HTR2C: variants seen among roughly 807,000 people sequenced by gnomAD.
HTR2C encodes the protein 5-hydroxytryptamine receptor 2C.
In HTR2C, 5 loss-of-function variants were observed where a neutral mutation model predicts 21.0. The observed-to-expected ratio is 0.24, with a 90% CI of 0.12 to 0.50. HTR2C has a LOEUF of 0.50. Ranked by LOEUF, HTR2C falls within the 20% of genes least tolerant of loss-of-function variation. The probability of loss-of-function intolerance (pLI) is 0.98; values close to 1 mark genes in which losing one functional copy is unlikely to be tolerated. For missense variants in HTR2C, 271 were observed against 371.2 expected (o/e 0.73, Z 2.22); for synonymous variants, 150 against 145.3 (o/e 1.03, Z -0.23).
rs781921471 is a variant in HTR2C at position 114,834,572 on chromosome X, A to G, written c.350-13431A>G. Among the ~76,000 whole-genome samples the G allele has an allele frequency of 1.3e-3, 135 of 107,894 alleles. 1 individual carries two copies. The highest frequency in any genetic ancestry group is 1.1e-3 in the Non-Finnish European group (56 of 52,060). 93.7% of individuals were successfully genotyped at this position (107,894 alleles called of 115,157 possible). A position where few individuals can be genotyped will look rare whatever the true frequency, so the allele number is the denominator to read the frequency against. ...CCATTTGCTTGGTAGATCTTCCTCC[A>G]TCCTTTTATTTTGAGCCTATGTGTG... On this transcript the variant is annotated intron_variant, in intron 4 of 5. Transcript: ENST00000276198.
chrX:114,675,965 G>A (rs1290398737), intron 2 of HTR2C, among the ~76,000 whole-genome samples: 1 of 107,715 alleles, frequency 9.3e-6, no homozygotes, highest in Non-Finnish European at 1.9e-5. Flanking sequence ...CGCCTCCTGG[G>A]TTCAAGTGAT....
intron 1 of HTR2C, among the ~76,000 whole-genome samples, chrX:114,596,747 C>T (rs1927864443): frequency 9.0e-6 from 1 of 111,704 alleles, no homozygotes; most frequent in East Asian, 2.8e-4. Flanking sequence ...ATCTAGATAC[C>T]TTATCACTAT....
At chrX:114,766,628 G>A (rs1252404324) in intron 4 of HTR2C, among the ~76,000 whole-genome samples, 1 of 111,430 alleles carries the variant, frequency 9.0e-6, no homozygotes, top group Non-Finnish European at 1.9e-5. Context: ...TTACAACTAT[G>A]GATCTTAATT....
chrX:114,586,850 G>A (rs192213426), intron 1 of HTR2C, among the ~76,000 whole-genome samples: 27 of 110,532 alleles, frequency 2.4e-4, no homozygotes, highest in Non-Finnish European at 4.2e-4. Flanking sequence ...TATGAATGAC[G>A]GAGATATTAT....
chrX:114,680,127 T>C, intron 2 of HTR2C, among the ~76,000 whole-genome samples: 1 of 112,292 alleles, frequency 8.9e-6, no homozygotes. Context: ...GAATAGACAA[T>C]AGTTAATTAC....
Position 114,703,340 on chromosome X carries a change from C to T in HTR2C, c.-79-23518C>T, listed in dbSNP as rs781958583. On this transcript the variant is annotated intron_variant, in intron 2 of 5. Coordinates refer to ENST00000276198, the MANE Select transcript of HTR2C (RefSeq NM_000868.4). The stretch of plus-strand genomic sequence containing the variant: ...GCTCTCCTCAGCAAATGTAAAAGAA[C>T]AGAAATTATAACAAACTGTCTCTCA... Among the ~76,000 whole-genome samples, 205 of 110,042 alleles carry T rather than the reference C, an allele frequency of 1.9e-3. 2 individuals are homozygous for T. The highest frequency in any genetic ancestry group is 4.6e-3 in the Admixed American group (47 of 10,275).
intron 2 of HTR2C, among the ~76,000 whole-genome samples, chrX:114,687,969 A>C (rs782774654): frequency 2.7e-5 from 3 of 111,748 alleles, no homozygotes; most frequent in Non-Finnish European, 5.6e-5. Flanking sequence ...GTCTCAGAGG[A>C]ATTTCCATTT....
intron 2 of HTR2C, among the ~76,000 whole-genome samples, chrX:114,642,312 A>G (rs1353709977): frequency 1.8e-5 from 2 of 112,121 alleles, no homozygotes; most frequent in Non-Finnish European, 3.8e-5. Flanking sequence ...TTTTATCAGG[A>G]TGTGGTCTTC....
chrX:114,847,552 C>A (rs1405295281), intron 4 of HTR2C, among the ~76,000 whole-genome samples: 9 of 102,580 alleles, frequency 8.8e-5, no homozygotes, highest in African/African-American at 3.2e-4. Flanking sequence ...CTAACCTGCA[C>A]ATTGTGCACA....
At chrX:114,770,586 T>C (rs61607615) in intron 4 of HTR2C, among the ~76,000 whole-genome samples, 3,512 of 111,180 alleles carry the variant, frequency 0.032, 154 homozygotes, top group African/African-American at 0.11. Context: ...ATATCTTTAC[T>C]GATTTTCTCT....
chrX:114,744,603 C>T (rs1206433980), intron 4 of HTR2C, among the ~76,000 whole-genome samples: 1 of 108,922 alleles, frequency 9.2e-6, no homozygotes, highest in Non-Finnish European at 1.9e-5. Flanking sequence ...CAGGCGCCGG[C>T]CCTAATGCCC....
intron 2 of HTR2C, among the ~76,000 whole-genome samples, chrX:114,620,335 T>A (rs918590622): frequency 1.8e-5 from 2 of 112,252 alleles, no homozygotes; most frequent in Non-Finnish European, 3.8e-5. Context: ...AGGTTCACAT[T>A]CACATTTTAA....
intron 2 of HTR2C, among the ~76,000 whole-genome samples, chrX:114,715,059 G>A (rs150861983): frequency 2.1e-4 from 24 of 112,002 alleles, no homozygotes; most frequent in African/African-American, 7.8e-4. Context: ...TACATTTTAT[G>A]AGTTGTATAC....
Position 114,847,960 on chromosome X carries a change from A to G in HTR2C, c.350-43A>G, listed in dbSNP as rs201796353. 4.8e-4 allele frequency: 505 copies of G among 1,048,170 alleles called. 2 individuals are homozygous for G. The highest frequency in any genetic ancestry group is 3.5e-3 in the Middle Eastern group (14 of 3,946). 86.4% of individuals were successfully genotyped at this position (1,048,170 alleles called of 1,213,427 possible). ...TAAAATTTGAGACTATAGTCAGTAC[A>G]ATTTGGATGACGTGTTCTTGTCTTC... On this transcript the variant is annotated intron_variant, in intron 4 of 5. Transcript: ENST00000276198.
At chrX:114,857,309 C>A (rs189113286) in intron 5 of HTR2C, among the ~76,000 whole-genome samples, 7 of 111,370 alleles carry the variant, frequency 6.3e-5, no homozygotes, top group African/African-American at 2.3e-4. Flanking sequence ...CTATTAATTT[C>A]TATCTGGATT....
At chrX:114,847,865 T>C (rs2070886311) in intron 4 of HTR2C, 138 bp from the exon 5 acceptor site, 1 of 459,698 alleles carries the variant, frequency 2.2e-6, no homozygotes, top group South Asian at 3.7e-5. Context: ...TCATCATCCC[T>C]ATAGAAAATA....
At chrX:114,876,718 G>C (rs1474651424) in intron 5 of HTR2C, among the ~76,000 whole-genome samples, 1 of 110,300 alleles carries the variant, frequency 9.1e-6, no homozygotes, top group Non-Finnish European at 1.9e-5. Flanking sequence ...CATTCATTCT[G>C]TCAATGTGAT....
intron 2 of HTR2C, among the ~76,000 whole-genome samples, chrX:114,662,949 G>A (rs922643064): frequency 1.8e-5 from 2 of 111,677 alleles, no homozygotes; most frequent in Non-Finnish European, 3.8e-5. Flanking sequence ...TAAATCCATT[G>A]ACAGAGTACT....
chrX:114,765,680 A>G (rs1485133954), intron 4 of HTR2C, among the ~76,000 whole-genome samples: 1 of 111,751 alleles, frequency 8.9e-6, no homozygotes. Flanking sequence ...TAACATAACT[A>G]AGGAAATAGT....
Sources: gnomAD v4.1 joint callset for allele counts (sites outside exome capture counted in the v4.1 genomes callset) on GRCh38, gnomAD v4.1.1 for gene constraint, MANE v1.5 for transcripts, NCBI Gene and HGNC (gene_info 2026-07-23, HGNC 2026-07-21) for gene names.